Variants in CTCF observed in about 807,000 individuals in gnomAD.
CTCF encodes the protein CCCTC-binding factor.
Under a neutral mutation model 72.3 loss-of-function variants are expected in CTCF, and 7 were observed. That is an observed-to-expected ratio of 0.10 (90% confidence interval 0.06 to 0.18). CTCF has a LOEUF of 0.18. Ranked by LOEUF, CTCF falls within the 10% of genes least tolerant of loss-of-function variation. CTCF has a pLI of 1.00. For synonymous variants in CTCF, 374 were observed against 315.8 expected (o/e 1.18, Z -1.95); for missense variants, 516 against 949.1 (o/e 0.54, Z 6.00).
At chr16:67,601,245 TG>T (rs2051883178) in intron 2 of CTCF, among the ~76,000 whole-genome samples, 1 of 147,920 alleles carries the variant, frequency 6.8e-6, no homozygotes, top group African/African-American at 2.5e-5. Context: ...TGTGTGTGTG[TG>T]TGTGTGTGTT....
Position 67,628,414 on chromosome 16 carries a change from G to A in CTCF, c.1563G>A (p.Lys521=). The change falls in exon 9 of 12, where the codon AAG becomes AAA. Residue 521 remains lysine, a synonymous_variant. Transcript: ENST00000264010. ...IMHKRTHTGE[K]PYACSHCDKT... is the part of the protein sequence containing the mutation. ...ACAAGCGCACCCACACCGGGGAGAA[G>A]CCTTACGCCTGCAGCCACTGCGATA... 1 of 1,614,190 alleles carries A rather than the reference G, an allele frequency of 6.2e-7. No homozygotes were observed. The highest frequency in any genetic ancestry group is 1.1e-5 in the South Asian group (1 of 91,078).
intron 8 of CTCF, among the ~76,000 whole-genome samples, chr16:67,628,119 CA>C (rs2052316229): frequency 6.6e-6 from 1 of 152,098 alleles, no homozygotes; most frequent in South Asian, 2.1e-4. Context: ...AAAAATTAGC[CA>C]GGCATGGTGG....
chr16:67,585,143 G>A (rs2142751777), intron 2 of CTCF, among the ~76,000 whole-genome samples: 1 of 152,248 alleles, frequency 6.6e-6, no homozygotes, highest in Middle Eastern at 3.4e-3. Flanking sequence ...CCTGCCTCCT[G>A]GGTTTAAGCA....
intron 1 of CTCF, chr16:67,570,844 A>T (rs566642786): frequency 6.8e-6 from 1 of 147,326 alleles, no homozygotes; most frequent in African/African-American, 2.5e-5. Context: ...CTCCTGGGTG[A>T]GTCTCCCACC....
chr16:67,590,059 A>T (rs1473671673), intron 2 of CTCF, among the ~76,000 whole-genome samples: 1 of 151,874 alleles, frequency 6.6e-6, no homozygotes, highest in East Asian at 1.9e-4. Context: ...TGCACTCCAG[A>T]CTGGTCAACA....
chr16:67,612,094 C>T lies in CTCF; in HGVS notation c.925C>T (p.Leu309=), dbSNP rs2052069195. 1.2e-6 allele frequency: 2 copies of T among 1,614,014 alleles called. No individual in the cohort carries two copies. The highest frequency in any genetic ancestry group is 1.7e-5 in the Admixed American group (1 of 59,988). The part of the protein sequence containing the change: ...CGRAFRTVTL[L]RNHLNTHTGT... ...CAGGGCATTCAGAACAGTCACCCTC[C>T]TGAGGAATCACCTTAACACACACAC... Residue 309 remains leucine (L), a synonymous_variant, in exon 4 of 12, where the codon CTG becomes TTG. Coordinates refer to ENST00000264010, the MANE Select transcript of CTCF (RefSeq NM_006565.4).
At chr16:67,580,793 T>TTTTTTTTTTTTTTTG (rs1251853354) in intron 2 of CTCF, among the ~76,000 whole-genome samples, 5 of 149,936 alleles carry the variant, frequency 3.3e-5, no homozygotes, top group African/African-American at 1.2e-4. Flanking sequence ...TTTTTTTTTT[T>TTTTTTTTTTTTTTTG]TTAGTAGAGA....
At chr16:67,572,476 C>T (rs1356816190) in intron 2 of CTCF, 1 of 152,130 alleles carries the variant, frequency 6.6e-6, no homozygotes, top group Non-Finnish European at 1.5e-5. Flanking sequence ...GATATGAATA[C>T]CCTTAGGGAA....
intron 2 of CTCF, among the ~76,000 whole-genome samples, chr16:67,589,248 G>A (rs1005860955): frequency 6.6e-6 from 1 of 152,100 alleles, no homozygotes; most frequent in African/African-American, 2.4e-5. Flanking sequence ...GGCAAGCTAC[G>A]ATTACACTAC....
In CTCF at chr16:67,611,333, T is replaced by C. The variant is rs1394367278; in HGVS notation, c.501T>C (p.Val167=). ...CTTTGCCTGAAGGGTTTCAGGTGGTTAAAGTGGGGGCCAATGGAGAGGTGG... is the reference window on the plus strand; with the variant it reads ...CTTTGCCTGAAGGGTTTCAGGTGGTCAAAGTGGGGGCCAATGGAGAGGTGG... ...TLPLPEGFQV[V]KVGANGEVET... is the part of the protein sequence containing the mutation. The change falls in exon 3 of 12, where the codon GTT becomes GTC. Residue 167 remains valine (V), a synonymous_variant. Coordinates refer to ENST00000264010, the MANE Select transcript of CTCF (RefSeq NM_006565.4). 6.2e-7 allele frequency: 1 copy of C among 1,613,840 alleles called. No individual in the cohort carries two copies. Among genetic ancestry groups the C allele is most frequent in the Non-Finnish European group, 8.5e-7 (1 of 1,179,986 alleles).
intron 2 of CTCF, among the ~76,000 whole-genome samples, chr16:67,607,545 A>G (rs1313268105): frequency 6.6e-6 from 1 of 151,308 alleles, no homozygotes; most frequent in Non-Finnish European, 1.5e-5. Context: ...GCCTCAACTG[A>G]TCCACCAGCC....
At chr16:67,634,915 C>A (rs1319026844) in intron 10 of CTCF, among the ~76,000 whole-genome samples, 2 of 151,958 alleles carry the variant, frequency 1.3e-5, no homozygotes, top group African/African-American at 4.8e-5. Context: ...GTTGGCCAGG[C>A]TTGTCTCGAA....
chr16:67,610,945 G>T lies in CTCF; in HGVS notation c.113G>T (p.Cys38Phe). The change falls in exon 3 of 12, where the codon TGC becomes TTC. Residue 38 changes from cysteine (C) to phenylalanine (F), a missense_variant. By Grantham distance (205) the Cys-to-Phe change is radical. Around this residue, in one of 7 missense-constraint regions of CTCF, gnomAD observed 148 missense variants for 194.9 expected, o/e 0.76. Transcript: ENST00000264010. ...GAAGGGGGCCAGGAAGAAGATGCCTGCCACTTACCCCAGAACCAGACGGAT... is the reference window on the plus strand; with the variant it reads ...GAAGGGGGCCAGGAAGAAGATGCCTTCCACTTACCCCAGAACCAGACGGAT... ...RREGGQEEDA[C>F]HLPQNQTDGG... The T allele has an allele frequency of 6.4e-7, 1 of 1,567,470 alleles. No individual in the cohort carries two copies. The highest frequency in any genetic ancestry group is 8.7e-7 in the Non-Finnish European group (1 of 1,153,542).
chr16:67,613,451 AAT>A (rs2052087109), intron 4 of CTCF, among the ~76,000 whole-genome samples: 1 of 152,166 alleles, frequency 6.6e-6, no homozygotes. Context: ...GACACTTGAT[AAT>A]ATGTTTTATT....
chr16:67,600,262 A>G (rs2051869502), intron 2 of CTCF, among the ~76,000 whole-genome samples: 2 of 151,986 alleles, frequency 1.3e-5, no homozygotes, highest in Non-Finnish European at 1.5e-5. Context: ...TTTGAGGAAC[A>G]GAGTCTCACT....
At chr16:67,597,202 CTT>C (rs1317919209) in intron 2 of CTCF, among the ~76,000 whole-genome samples, 1 of 151,962 alleles carries the variant, frequency 6.6e-6, no homozygotes, top group Non-Finnish European at 1.5e-5. Context: ...GCCCAGCTGA[CTT>C]TTTGTATTTT....
chr16:67,628,300 C>A, intron 8 of CTCF, 70 bp from the exon 9 acceptor site: 1 of 1,448,522 alleles, frequency 6.9e-7, no homozygotes, highest in Non-Finnish European at 9.5e-7. Flanking sequence ...TGGCCACATG[C>A]ATGCAGGTGG....
intron 2 of CTCF, chr16:67,572,401 A>T (rs1166101297): frequency 6.6e-6 from 1 of 152,188 alleles, no homozygotes; most frequent in African/African-American, 2.4e-5. Context: ...GTTTATAGGA[A>T]CACGTTAATC....
chr16:67,570,367 A>G (rs1228399418), intron 1 of CTCF, among the ~76,000 whole-genome samples: 1 of 151,978 alleles, frequency 6.6e-6, no homozygotes, highest in Non-Finnish European at 1.5e-5. Flanking sequence ...GGCGTAAGCC[A>G]CTGCGCCCAG....
Sources: gnomAD v4.1 joint callset for allele counts (sites outside exome capture counted in the v4.1 genomes callset) on GRCh38, gnomAD v4.1.1 for gene constraint, gnomAD v4.1.1 regional missense constraint, MANE v1.5 for transcripts, NCBI Gene and HGNC (gene_info 2026-07-23, HGNC 2026-07-21) for gene names.